OSBPL10: variants seen among roughly 807,000 people sequenced by gnomAD.
OSBPL10 encodes the protein oxysterol-binding protein-related protein 10.
In OSBPL10, 49 loss-of-function variants were observed where a neutral mutation model predicts 81.7. The observed-to-expected ratio is 0.60, with a 90% CI of 0.48 to 0.76. OSBPL10 has a LOEUF of 0.76. OSBPL10 is among the 30% of genes least tolerant of loss of function. The pLI, the probability that OSBPL10 is intolerant of heterozygous loss-of-function variation, is 0.00. For missense variants in OSBPL10, 923 were observed against 987.8 expected, an observed-to-expected ratio of 0.93 and a Z score of 0.88; for synonymous variants, 419 against 383.6, an observed-to-expected ratio of 1.09 and a Z score of -1.08.
intron 1 of OSBPL10, among the ~76,000 whole-genome samples, chr3:31,912,265 A>T (rs997106857): frequency 3.9e-5 from 6 of 151,966 alleles, no homozygotes; most frequent in Admixed American, 2.0e-4. Flanking sequence ...GTGGTGGTGG[A>T]TGCCTGTAAT....
chr3:31,948,071 G>A (rs1391018983), intron 1 of OSBPL10, among the ~76,000 whole-genome samples: 1 of 152,198 alleles, frequency 6.6e-6, no homozygotes, highest in African/African-American at 2.4e-5. Context: ...CTCCAGGCTA[G>A]AGGGTTCCTC....
At chr3:31,717,485 C>T (rs972089559) in intron 6 of OSBPL10, among the ~76,000 whole-genome samples, 2 of 152,172 alleles carry the variant, frequency 1.3e-5, no homozygotes, top group East Asian at 1.9e-4. Flanking sequence ...AGAAAACAGG[C>T]TCTAGCATTT....
chr3:31,935,902 A>G (rs1697371036), intron 1 of OSBPL10, among the ~76,000 whole-genome samples: 2 of 152,206 alleles, frequency 1.3e-5, no homozygotes, highest in Non-Finnish European at 2.9e-5. Flanking sequence ...AAAATTGCTG[A>G]AGTGATAACA....
intron 8 of OSBPL10, among the ~76,000 whole-genome samples, chr3:31,675,895 G>C (rs1337828801): frequency 2.1e-5 from 3 of 145,856 alleles, no homozygotes; most frequent in Admixed American, 6.9e-5. Context: ...GCAGTGAGCC[G>C]AGATTGCGCC....
intron 4 of OSBPL10, among the ~76,000 whole-genome samples, chr3:31,822,945 A>T (rs559485000): frequency 6.6e-6 from 1 of 150,424 alleles, no homozygotes. Context: ...ATAGAAAAAA[A>T]AATACAATAC....
At chr3:31,805,055 C>G (rs1027642131) in intron 4 of OSBPL10, among the ~76,000 whole-genome samples, 3 of 152,118 alleles carry the variant, frequency 2.0e-5, no homozygotes, top group Non-Finnish European at 2.9e-5. Flanking sequence ...AAAAGGTGCT[C>G]AGGGTCTGAT....
intron 1 of OSBPL10, among the ~76,000 whole-genome samples, chr3:31,941,525 G>C (rs1697535795): frequency 1.3e-5 from 2 of 152,186 alleles, no homozygotes; most frequent in South Asian, 4.2e-4. Context: ...CGTACCAAGA[G>C]CTCAAAAGCA....
At chr3:31,853,496 G>A (rs1337939194) in intron 3 of OSBPL10, among the ~76,000 whole-genome samples, 1 of 152,066 alleles carries the variant, frequency 6.6e-6, no homozygotes, top group Non-Finnish European at 1.5e-5. Flanking sequence ...ATGCTGGGCA[G>A]AAAGAAAAAT....
intron 1 of OSBPL10, among the ~76,000 whole-genome samples, chr3:31,934,076 T>TA (rs35397219): frequency 0.067 from 8,826 of 131,742 alleles, 300 homozygotes; most frequent in African/African-American, 0.096. Context: ...CACCTCTGTT[T>TA]AAAAAAAAAA....
intron 2 of OSBPL10, among the ~76,000 whole-genome samples, chr3:32,044,461 G>T (rs564527792): frequency 2.7e-5 from 4 of 150,428 alleles, no homozygotes; most frequent in African/African-American, 9.7e-5. Flanking sequence ...CTGAATCCTG[G>T]TCGGGTGCTG....
At chr3:31,718,929 G>A (rs1419729439) in intron 6 of OSBPL10, 1 of 152,146 alleles carries the variant, frequency 6.6e-6, no homozygotes, top group African/African-American at 2.4e-5. Flanking sequence ...GTGAGGGTAG[G>A]AAAACTACCT....
intron 1 of OSBPL10, among the ~76,000 whole-genome samples, chr3:31,952,064 C>T (rs1485559446): frequency 1.3e-5 from 2 of 151,908 alleles, no homozygotes; most frequent in East Asian, 3.8e-4. Flanking sequence ...TAAAGACAAA[C>T]TTATTTACAT....
chr3:31,991,863 T>TAA lies in OSBPL10; in HGVS notation n.298+54626_298+54627dup, dbSNP rs34418500. Among the ~76,000 whole-genome samples, 13 of 146,192 alleles carry TAA rather than the reference T, an allele frequency of 8.9e-5. No individual in the cohort carries two copies. In the South Asian group the frequency reaches 1.7e-3, roughly 20 times the overall value. ...GAAAATAAGAGAATTCAAGACAGGC[T>TAA]AAAAAAAAAAAAATGCCAGGTGCAG... On this transcript the variant is annotated intron_variant and non_coding_transcript_variant, in intron 2 of 3. Coordinates refer to the OSBPL10 transcript ENST00000479173.
At chr3:31,677,791 C>T in intron 8 of OSBPL10, among the ~76,000 whole-genome samples, 1 of 152,022 alleles carries the variant, frequency 6.6e-6, no homozygotes, top group Non-Finnish European at 1.5e-5. Flanking sequence ...CAACATAAGA[C>T]AGAGCAAAGG....
chr3:31,803,998 T>C (rs1014876638), intron 4 of OSBPL10, among the ~76,000 whole-genome samples: 5 of 152,232 alleles, frequency 3.3e-5, no homozygotes, highest in African/African-American at 9.6e-5. Flanking sequence ...ATAAGTATTC[T>C]ACAGGGAGAT....
intron 2 of OSBPL10, among the ~76,000 whole-genome samples, chr3:32,017,237 G>A (rs543935169): frequency 6.6e-6 from 1 of 152,252 alleles, no homozygotes; most frequent in African/African-American, 2.4e-5. Flanking sequence ...TTTTAAAGAT[G>A]AGGAAATAAC....
rs868479188 is a variant in OSBPL10 at position 31,678,782 on chromosome 3, C to G, written c.1726+4852G>C. On this transcript the variant is annotated intron_variant, in intron 8 of 11. Transcript: ENST00000396556. ...TACTCTGACTAATCACAGATTCAAACTGTGTGTGTGTGTGTGTGTGTGTGT... is the reference window on the plus strand; with the variant it reads ...TACTCTGACTAATCACAGATTCAAAGTGTGTGTGTGTGTGTGTGTGTGTGT... Among the ~76,000 whole-genome samples, 345 of 135,644 alleles carry G rather than the reference C, an allele frequency of 2.5e-3. 2 individuals carry two copies. The highest frequency in any genetic ancestry group is 9.2e-3 in the African/African-American group (337 of 36,584). The allele number at this position is 135,644 out of a possible 152,430, so 89.0% of individuals were successfully genotyped here.
intron 5 of OSBPL10, among the ~76,000 whole-genome samples, chr3:31,741,643 A>G (rs561316179): frequency 6.6e-6 from 1 of 152,340 alleles, no homozygotes; most frequent in African/African-American, 2.4e-5. Context: ...ATAAACACTT[A>G]TCTGAAATAT....
At chr3:31,715,432 C>T (rs1452228522) in intron 6 of OSBPL10, among the ~76,000 whole-genome samples, 5 of 152,316 alleles carry the variant, frequency 3.3e-5, no homozygotes, top group Admixed American at 6.5e-5. Context: ...CTCTAACAAT[C>T]TGGGCAGGAG....
Sources: allele counts gnomAD v4.1 joint callset (sites outside exome capture counted in the v4.1 genomes callset), GRCh38; gene constraint gnomAD v4.1.1; transcripts MANE v1.5; gene names NCBI Gene and HGNC (gene_info 2026-07-23, HGNC 2026-07-21).